CENPK: variants seen among roughly 807,000 people sequenced by gnomAD.
The protein encoded by CENPK is centromere protein K, also known as SoxLZ/Sox6-binding protein Solt.
A neutral mutation model predicts 40.9 loss-of-function variants in CENPK; 46 were observed. That is an observed-to-expected ratio of 1.13 (90% CI 0.89 to 1.44). The LOEUF (loss-of-function observed/expected upper bound fraction) is 1.44. Among genes scored for constraint, CENPK ranks in the 40% most tolerant of loss-of-function variants. CENPK has a pLI of 0.00. For missense variants in CENPK, 288 were observed against 303.5 expected (o/e 0.95, Z 0.38); for synonymous variants, 107 against 104.4 (o/e 1.02, Z -0.15).
rs564585902 is a variant in CENPK, at chr5:65,555,142, G to A, written c.-39-196C>T. 4.8e-5 allele frequency: 14 copies of A among 291,798 alleles called. No homozygotes were observed. The East Asian group carries it at 9.7e-4, about 20-fold the overall frequency. The allele number at this position is 291,798 out of a possible 1,614,324, so 18.1% of individuals were successfully genotyped here. On this transcript the variant is annotated intron_variant, in intron 2 of 10. Coordinates refer to ENST00000396679, the MANE Select transcript of CENPK (RefSeq NM_022145.5). ...ATATATATACTGTAGTATATCAAATGATTTATAAGTGCCATGGAGAAAAGA... is the reference window on the plus strand; with the variant it reads ...ATATATATACTGTAGTATATCAAATAATTTATAAGTGCCATGGAGAAAAGA...
intron 3 of CENPK, among the ~76,000 whole-genome samples, chr5:65,554,055 T>C (rs1319295218): frequency 1.3e-5 from 2 of 152,250 alleles, no homozygotes; most frequent in Non-Finnish European, 2.9e-5. Flanking sequence ...TCTCTGTTTT[T>C]ACACATTTTC....
rs34443663 is a variant in CENPK at position 65,531,508 on chromosome 5, A to ATT, written c.289-2311_289-2310dup. ...TGAGAATTCAGAGCACTAAAAATCT[A>ATT]TTTTTTTTTTTTTTGAGACGGAATC... On this transcript the variant is annotated intron_variant, in intron 6 of 10. Transcript: ENST00000396679. Among the ~76,000 whole-genome samples, 1,094 of 142,826 alleles carry ATT rather than the reference A, an allele frequency of 7.7e-3. 8 individuals are homozygous for ATT. Among genetic ancestry groups the ATT allele is most frequent in the African/African-American group, 0.02 (769 of 38,734 alleles). 93.7% of individuals were successfully genotyped at this position (142,826 alleles called of 152,430 possible). A position where few individuals can be genotyped will look rare whatever the true frequency, so the allele number is the denominator to read the frequency against.
intron 9 of CENPK, among the ~76,000 whole-genome samples, chr5:65,525,239 C>T (rs1744475089): frequency 1.3e-5 from 2 of 152,006 alleles, no homozygotes; most frequent in South Asian, 4.2e-4. Context: ...GCAGTGCGCA[C>T]ATGTAATCCC....
intron 5 of CENPK, chr5:65,551,149 CT>C (rs772349356): frequency 1.1e-4 from 44 of 393,516 alleles, no homozygotes; most frequent in South Asian, 7.9e-4. Context: ...ACTCAGGAGG[CT>C]GAGGTAGGAG....
chr5:65,529,527 A>T (rs1237773355), intron 6 of CENPK: 1 of 191,554 alleles, frequency 5.2e-6, no homozygotes, highest in Non-Finnish European at 1.1e-5. Flanking sequence ...TCACTCTGTC[A>T]CCCAGGCTGG....
chr5:65,521,441 C>T (rs1467772691), intron 10 of CENPK, 34 bp downstream of exon 10: 1 of 1,561,638 alleles, frequency 6.4e-7, no homozygotes, highest in Admixed American at 1.7e-5. Context: ...ACTAAGACAG[C>T]TTCAAGACAA....
intron 6 of CENPK, among the ~76,000 whole-genome samples, chr5:65,533,946 G>A (rs1746370095): frequency 1.3e-5 from 2 of 151,210 alleles, no homozygotes; most frequent in Admixed American, 6.6e-5. Flanking sequence ...TACCTGGGAG[G>A]CTGAGGCAGG....
At chr5:65,514,058 G>T (rs183245686), downstream of CENPK, among the ~76,000 whole-genome samples, 34 of 152,090 alleles carry the variant, frequency 2.2e-4, no homozygotes, top group African/African-American at 8.2e-4. Context: ...TGAAATAAAT[G>T]CCACCTGACT....
intron 9 of CENPK, among the ~76,000 whole-genome samples, chr5:65,527,965 C>T (rs1745025555): frequency 6.6e-6 from 1 of 152,160 alleles, no homozygotes; most frequent in Admixed American, 6.5e-5. Flanking sequence ...CAGTGGCTCA[C>T]ACCTGTAATC....
At chr5:65,540,808 CTTT>C (rs36024048) in intron 6 of CENPK, among the ~76,000 whole-genome samples, 40 of 130,196 alleles carry the variant, frequency 3.1e-4, no homozygotes, top group Admixed American at 3.1e-4. Context: ...CAACTGTATC[CTTT>C]TTTTTTTTTT....
chr5:65,547,778 C>T lies in CENPK; in HGVS notation c.241+3786G>A, dbSNP rs183998724. On this transcript the variant is annotated intron_variant, in intron 5 of 10. Transcript: ENST00000396679. ...CTCCTTGGTTCATGCCATTCTCCTG[C>T]CTCAGCATCCCAAGTAGCTGGGACT... Among the ~76,000 whole-genome samples the T allele has an allele frequency of 3.3e-3, 502 of 152,170 alleles. 8 individuals are homozygous for T. The South Asian group carries it at 0.037, about 11-fold the overall frequency.
the CENPK span, among the ~76,000 whole-genome samples, chr5:65,503,855 A>C: frequency 6.6e-6 from 1 of 151,500 alleles, no homozygotes; most frequent in Non-Finnish European, 1.5e-5. Flanking sequence ...ATGGGGTTTC[A>C]CCATATTGGT....
Position 65,521,475 on chromosome 5 carries a change from C to T in CENPK, c.651G>A (p.Glu217=). The part of the protein sequence containing the change: ...VNLITLHEML[E]ILINRLFDVP... ...AAAACAAACTACACAAAACACTTAC[C>T]TCTAACATTTCATGCAGTGTTATCA... The change falls in exon 10 of 11, where the codon GAG becomes GAA. Residue 217 remains glutamate, a splice_region_variant and synonymous_variant. Coordinates refer to ENST00000396679, the MANE Select transcript of CENPK (RefSeq NM_022145.5). 6.2e-7 allele frequency: 1 copy of T among 1,607,946 alleles called. No individual in the cohort carries two copies. The highest frequency in any genetic ancestry group is 8.5e-7 in the Non-Finnish European group (1 of 1,175,758).
At chr5:65,525,923 CTT>C (rs1186873872) in intron 9 of CENPK, among the ~76,000 whole-genome samples, 1 of 152,122 alleles carries the variant, frequency 6.6e-6, no homozygotes, top group Non-Finnish European at 1.5e-5. Context: ...CACTGTGAAA[CTT>C]TTGTTTAAAC....
chr5:65,517,020 G>A (rs988601346), downstream of CENPK, among the ~76,000 whole-genome samples: 6 of 151,680 alleles, frequency 4.0e-5, no homozygotes, highest in Admixed American at 2.0e-4. Context: ...TTGGCTCACT[G>A]CAACTTCTAC....
chr5:65,503,604 A>T, the CENPK span, among the ~76,000 whole-genome samples: 3 of 152,118 alleles, frequency 2.0e-5, no homozygotes, highest in Non-Finnish European at 4.4e-5. Flanking sequence ...TAAAATTTTT[A>T]AAAATATTTA....
At chr5:65,510,281 T>C in the CENPK span, among the ~76,000 whole-genome samples, 1 of 152,108 alleles carries the variant, frequency 6.6e-6, no homozygotes, top group African/African-American at 2.4e-5. Flanking sequence ...AACATATGAA[T>C]GGTAAGAAAG....
chr5:65,555,087 G>T, intron 2 of CENPK, 141 bp from the exon 3 acceptor site: 1 of 507,478 alleles, frequency 2.0e-6, no homozygotes, highest in Admixed American at 3.8e-5. Flanking sequence ...TCTAAGTAAG[G>T]AAAACAGACA....
At chr5:65,552,604 C>G (rs900939286) in intron 3 of CENPK, 55 bp from the exon 4 acceptor site, 2 of 1,037,068 alleles carry the variant, frequency 1.9e-6, no homozygotes, top group African/African-American at 3.3e-5. Flanking sequence ...ACAGAAAATT[C>G]CCTTCCCCTC....
Sources: allele counts gnomAD v4.1 joint callset (sites outside exome capture counted in the v4.1 genomes callset), GRCh38; gene constraint gnomAD v4.1.1; transcripts MANE v1.5; gene names NCBI Gene and HGNC (gene_info 2026-07-23, HGNC 2026-07-21).